Variants in CES5A observed in about 807,000 individuals in gnomAD.
The protein encoded by CES5A is carboxylesterase 5A, also known as carboxylesterase 5.
In CES5A, 67 loss-of-function variants were observed where a neutral mutation model predicts 62.9. The ratio of observed to expected loss-of-function variants is 1.07; its 90% CI spans 0.88 to 1.31. The LOEUF (loss-of-function observed/expected upper bound fraction) is 1.31. Ranked by LOEUF, CES5A falls within the 50% of genes most tolerant of loss-of-function variation. The pLI is 0.00. For missense variants in CES5A, 748 were observed against 708.5 expected (o/e 1.06, Z -0.63); for synonymous variants, 296 against 280.8 (o/e 1.05, Z -0.54).
intron 3 of CES5A, among the ~76,000 whole-genome samples, chr16:55,871,321 A>G (rs2033578987): frequency 6.6e-6 from 1 of 152,234 alleles, no homozygotes; most frequent in Non-Finnish European, 1.5e-5. Flanking sequence ...AAATTTAAGA[A>G]AAAAGTCAGA....
chr16:55,900,579 T>C (rs1320958663), intron 1 of CES5A, among the ~76,000 whole-genome samples: 2 of 152,100 alleles, frequency 1.3e-5, no homozygotes, highest in Admixed American at 6.5e-5. Flanking sequence ...GAAATTGCAA[T>C]GCCACAGCCA....
upstream of CES5A, among the ~76,000 whole-genome samples, chr16:55,878,908 C>G (rs879527826): frequency 3.4e-4 from 50 of 148,218 alleles, no homozygotes; most frequent in Non-Finnish European, 6.7e-4. Flanking sequence ...TCACTGCACC[C>G]TACCACTGCA....
chr16:55,918,067 T>A (rs74019332), intron 1 of CES5A, among the ~76,000 whole-genome samples: 5,086 of 152,194 alleles, frequency 0.033, 291 homozygotes, highest in African/African-American at 0.12. Flanking sequence ...TCCTTGAAAG[T>A]TCATCATAGT....
chr16:55,938,572 C>T (rs2034402596), intron 2 of CES5A, among the ~76,000 whole-genome samples: 1 of 150,432 alleles, frequency 6.6e-6, no homozygotes, highest in African/African-American at 2.4e-5. Flanking sequence ...CCCGTCTCTA[C>T]TAAAAATACA....
At chr16:55,869,347 CTGGTTGACCA>C in intron 4 of CES5A, 1 of 416,360 alleles carries the variant, frequency 2.4e-6, no homozygotes, top group Middle Eastern at 7.1e-4. Flanking sequence ...AGCCAGATCC[CTGGTTGACCA>C]TGAGGAAGAA....
chr16:55,898,071 G>A (rs1237228688), intron 1 of CES5A, among the ~76,000 whole-genome samples: 1 of 152,212 alleles, frequency 6.6e-6, no homozygotes, highest in Admixed American at 6.5e-5. Context: ...CTGGTGGTAT[G>A]GACAATGACC....
chr16:55,907,228 A>T (rs955760688), intron 1 of CES5A, among the ~76,000 whole-genome samples: 1 of 152,180 alleles, frequency 6.6e-6, no homozygotes, highest in Non-Finnish European at 1.5e-5. Context: ...TCTGTTTCTG[A>T]ACGAAACTCC....
chr16:55,914,325 C>G (rs959559783), intron 1 of CES5A, among the ~76,000 whole-genome samples: 8 of 152,118 alleles, frequency 5.3e-5, no homozygotes, highest in Admixed American at 2.0e-4. Context: ...CACTTTCTCC[C>G]CTCTTCAAGA....
At chr16:55,879,731 C>T (rs1456970003), upstream of CES5A, among the ~76,000 whole-genome samples, 1 of 152,144 alleles carries the variant, frequency 6.6e-6, no homozygotes, top group Non-Finnish European at 1.5e-5. Flanking sequence ...GCTAGGACTA[C>T]AGGTGCACAC....
intron 1 of CES5A, among the ~76,000 whole-genome samples, chr16:55,919,519 C>T (rs2034180637): frequency 1.3e-5 from 2 of 152,190 alleles, no homozygotes; most frequent in African/African-American, 4.8e-5. Flanking sequence ...TCCTACGACT[C>T]TCAGCCCAGA....
chr16:55,857,263 G>A (rs2033261571), intron 8 of CES5A, among the ~76,000 whole-genome samples: 2 of 152,224 alleles, frequency 1.3e-5, no homozygotes, highest in African/African-American at 2.4e-5. Context: ...TACCTCCCGC[G>A]AGGGTGGTGA....
rs143680052 is a variant in CES5A, at chr16:55,922,557, T to C, written c.-256+2766A>G. On this transcript the variant is annotated intron_variant, in intron 1 of 12. Transcript: ENST00000518005. Reference sequence around the variant, plus strand: ...CCAAAGTATACAAAGCAAACATTAATAGATCTAAAGGAAGAAGTAGACTGC... The same window carrying C: ...CCAAAGTATACAAAGCAAACATTAACAGATCTAAAGGAAGAAGTAGACTGC... Among the ~76,000 whole-genome samples the C allele has an allele frequency of 1.2e-3, 179 of 152,020 alleles. 1 individual carries two copies. Among genetic ancestry groups the C allele is most frequent in the African/African-American group, 3.6e-3 (151 of 41,554 alleles).
At chr16:55,935,303 C>T (rs1240894840) in intron 2 of CES5A, among the ~76,000 whole-genome samples, 1 of 152,224 alleles carries the variant, frequency 6.6e-6, no homozygotes, top group African/African-American at 2.4e-5. Flanking sequence ...CAGCTCAAAA[C>T]AGGCAGAAAG....
chr16:55,873,823 C>G lies in CES5A; in HGVS notation c.278+10G>C. On this transcript the variant is annotated intron_variant, in intron 2 of 12. Transcript: ENST00000290567. ...TCACAAACCACCCGTGGGCCCGAAC[C>G]TGGTCTTACAAATTAGGGTAGGAGG... 6.2e-7 allele frequency: 1 copy of G among 1,609,614 alleles called. No homozygotes were observed. The highest frequency in any genetic ancestry group is 8.5e-7 in the Non-Finnish European group (1 of 1,177,450).
chr16:55,852,868 C>T lies in CES5A; in HGVS notation c.1273+13G>A. ...TGGGCTATGGTCCTGGAGCGGGATG[C>T]TCAGATACTCACCTCTGTGATATCG... On this transcript the variant is annotated intron_variant, in intron 10 of 12. Transcript: ENST00000290567. The T allele has an allele frequency of 3.7e-6, 6 of 1,608,902 alleles. No homozygotes were observed. The highest frequency in any genetic ancestry group is 5.1e-6 in the Non-Finnish European group (6 of 1,176,956).
chr16:55,947,147 A>C (rs2034504164), intron 2 of CES5A, among the ~76,000 whole-genome samples: 1 of 152,206 alleles, frequency 6.6e-6, no homozygotes, highest in South Asian at 2.1e-4. Flanking sequence ...GCTGGGCTTC[A>C]TTTAGAATTC....
chr16:55,884,974 G>T (rs1426015973), intron 1 of CES5A, among the ~76,000 whole-genome samples: 1 of 152,120 alleles, frequency 6.6e-6, no homozygotes, highest in African/African-American at 2.4e-5. Context: ...GTCCAACTGT[G>T]TCTGCCCTCC....
At chr16:55,915,834 C>G (rs1417144635) in intron 1 of CES5A, among the ~76,000 whole-genome samples, 2 of 152,182 alleles carry the variant, frequency 1.3e-5, no homozygotes, top group African/African-American at 4.8e-5. Flanking sequence ...TCACCATGGC[C>G]TGGCAGAGTC....
chr16:55,883,526 G>C (rs2033783156), intron 1 of CES5A, among the ~76,000 whole-genome samples: 1 of 152,154 alleles, frequency 6.6e-6, no homozygotes, highest in Admixed American at 6.5e-5. Context: ...TCCCATCTCG[G>C]CCTCACAGAG....
Sources: allele counts gnomAD v4.1 joint callset (sites outside exome capture counted in the v4.1 genomes callset), GRCh38; gene constraint gnomAD v4.1.1; transcripts MANE v1.5; gene names NCBI Gene and HGNC (gene_info 2026-07-23, HGNC 2026-07-21).